Variants in TENM3 observed in about 807,000 individuals in gnomAD.
The protein encoded by TENM3 is teneurin-3.
A neutral mutation model predicts 255.1 loss-of-function variants in TENM3; 63 were observed. The observed-to-expected ratio is 0.25, with a 90% CI of 0.20 to 0.30. TENM3 has a LOEUF of 0.30. Ranked by LOEUF, TENM3 falls within the 10% of genes least tolerant of loss-of-function variation. The probability of loss-of-function intolerance (pLI) is 1.00; values close to 1 mark genes in which losing one functional copy is unlikely to be tolerated. For synonymous variants in TENM3, 1,306 were observed against 1,322.3 expected (o/e 0.99, Z 0.27); for missense variants, 2,929 against 3,461.1 (o/e 0.85, Z 3.86).
At chr4:182,604,861 A>G (rs149781538) in intron 4 of TENM3, among the ~76,000 whole-genome samples, 4,587 of 152,316 alleles carry the variant, frequency 0.03, 116 homozygotes, top group Non-Finnish European at 0.046. Flanking sequence ...ATGAAATTGC[A>G]TATTAAATTG....
intron 3 of TENM3, among the ~76,000 whole-genome samples, chr4:182,558,534 C>T (rs1187049134): frequency 1.3e-5 from 2 of 152,108 alleles, no homozygotes; most frequent in African/African-American, 2.4e-5. Context: ...TTAAAAGATA[C>T]TGTGTATCAG....
At chr4:182,241,159 G>A (rs939450660), upstream of TENM3, among the ~76,000 whole-genome samples, 6 of 152,126 alleles carry the variant, frequency 3.9e-5, no homozygotes, top group Non-Finnish European at 5.9e-5. Flanking sequence ...CATGTGAATC[G>A]TTATAGCTTC....
chr4:182,484,580 C>T (rs964135424), intron 3 of TENM3, among the ~76,000 whole-genome samples: 1 of 151,932 alleles, frequency 6.6e-6, no homozygotes, highest in Non-Finnish European at 1.5e-5. Flanking sequence ...TGTGTGCCTA[C>T]CTATGAGAAT....
At chr4:181,938,601 A>C in the TENM3 span, among the ~76,000 whole-genome samples, 6 of 152,316 alleles carry the variant, frequency 3.9e-5, no homozygotes, top group Admixed American at 3.9e-4. Context: ...TTTTATACAC[A>C]GCATACAGCC....
chr4:182,147,278 T>C, intron 1 of TENM3, among the ~76,000 whole-genome samples: 1 of 152,218 alleles, frequency 6.6e-6, no homozygotes, highest in East Asian at 1.9e-4. Context: ...GTACAAAAAA[T>C]GATGTCTTTG....
chr4:181,979,094 T>C, the TENM3 span, among the ~76,000 whole-genome samples: 2 of 83,252 alleles, frequency 2.4e-5, no homozygotes, highest in African/African-American at 4.6e-5. Flanking sequence ...ACATTAAGCC[T>C]GACATATATA....
chr4:182,681,898 A>T lies in TENM3; in HGVS notation c.1919A>T (p.Asn640Ile). 1 of 1,613,952 alleles carries T rather than the reference A, an allele frequency of 6.2e-7. No individual in the cohort carries two copies. The highest frequency in any genetic ancestry group is 8.5e-7 in the Non-Finnish European group (1 of 1,179,852). The change falls in exon 11 of 28, where the codon AAT becomes ATT. Residue 640 changes from asparagine to isoleucine, a missense_variant. Around this residue, in one of 6 missense-constraint regions of TENM3, gnomAD observed 1,608 missense variants for 1,884.4 expected, o/e 0.85. Coordinates refer to ENST00000511685, the MANE Select transcript of TENM3 (RefSeq NM_001080477.4). ...CHCSPGWGGSNCEILKTMCPD... is the reference protein window; with the variant it reads ...CHCSPGWGGSICEILKTMCPD... ...TGCAGTCCAGGATGGGGAGGTAGCA[A>T]TTGTGAAATACTGAAGACCATGTGT... is the stretch of plus-strand genomic sequence containing the variant.
the TENM3 span, among the ~76,000 whole-genome samples, chr4:182,128,378 A>G: frequency 2.0e-5 from 3 of 151,918 alleles, no homozygotes; most frequent in East Asian, 1.9e-4. Flanking sequence ...GGGTCTTGCT[A>G]TGTTGCCCAG....
Position 182,736,852 on chromosome 4 carries a change from C to A in TENM3, c.3012C>A (p.Leu1004=). The A allele has an allele frequency of 8.7e-6, 14 of 1,613,726 alleles. No homozygotes were observed. The highest frequency in any genetic ancestry group is 1.2e-5 in the Non-Finnish European group (14 of 1,179,774). ...ETTIPGTDLK[L]SYLSSRAAGY... ...CAATTCCAGGAACAGATTTGAAACT[C>A]TCCTACTTGAGTTCCAGAGCTGCAG... is the stretch of plus-strand genomic sequence containing the variant. The change falls in exon 17 of 28, where the codon CTC becomes CTA. Residue 1004 remains leucine, a synonymous_variant. Coordinates refer to ENST00000511685, the MANE Select transcript of TENM3 (RefSeq NM_001080477.4).
intron 3 of TENM3, among the ~76,000 whole-genome samples, chr4:182,412,973 A>G (rs907235326): frequency 6.6e-6 from 1 of 152,102 alleles, no homozygotes; most frequent in East Asian, 1.9e-4. Flanking sequence ...ATGAAAAACA[A>G]TAGATAAAAT....
rs548059343 is a variant in TENM3 at position 182,398,614 on chromosome 4, A to G, written c.511+51685A>G. On this transcript the variant is annotated intron_variant, in intron 3 of 27. Transcript: ENST00000511685. ...GCAGATAGGAGTTGAATAAAATCTCATCTACATACTTGATTGGCAGTGACT... is the reference window on the plus strand; with the variant it reads ...GCAGATAGGAGTTGAATAAAATCTCGTCTACATACTTGATTGGCAGTGACT... 4.6e-5 allele frequency among the ~76,000 whole-genome samples: 7 copies of G among 152,344 alleles called. No homozygotes were observed. The South Asian group carries it at 1.5e-3, about 32-fold the overall frequency.
intron 19 of TENM3, among the ~76,000 whole-genome samples, chr4:182,749,660 G>A (rs934447161): frequency 4.0e-4 from 61 of 152,166 alleles, no homozygotes; most frequent in African/African-American, 1.3e-3. Context: ...GATAAGTTAG[G>A]CAGCATGCCC....
chr4:182,550,057 C>T (rs926914509), intron 3 of TENM3, among the ~76,000 whole-genome samples: 3 of 152,202 alleles, frequency 2.0e-5, no homozygotes, highest in South Asian at 2.1e-4. Context: ...ATAAAAATTC[C>T]GCTCAAAACC....
chr4:182,789,309 G>A lies in TENM3; in HGVS notation c.5521G>A (p.Val1841Ile), dbSNP rs777573462. ...CCAGCGAGGCACCACTAGCGAGAAA[G>A]TAGATTATGACGGACAGGGGAGGAT... ...SIQRGTTSEK[V>I]DYDGQGRIVS... The change falls in exon 25 of 28, where the codon GTA becomes ATA. Residue 1841 changes from valine (V) to isoleucine (I), a missense_variant. This residue lies in a region of TENM3 where 303 missense variants were observed against 425.2 expected (regional missense o/e 0.71). Coordinates refer to ENST00000511685, the MANE Select transcript of TENM3 (RefSeq NM_001080477.4). This position sits in a 1 kb window ranked among gnomAD's most constrained non-coding sequence, Gnocchi z 4.4. 1.9e-6 allele frequency: 3 copies of A among 1,613,892 alleles called. No homozygotes were observed. The South Asian group carries it at 3.3e-5, about 18-fold the overall frequency.
At chr4:181,905,263 G>T in the TENM3 span, among the ~76,000 whole-genome samples, 1 of 152,102 alleles carries the variant, frequency 6.6e-6, no homozygotes, top group Non-Finnish European at 1.5e-5. Context: ...TTCACTTACT[G>T]GTGGTAAGCC....
the TENM3 span, among the ~76,000 whole-genome samples, chr4:181,508,506 G>T: frequency 2.6e-5 from 4 of 152,230 alleles, no homozygotes; most frequent in African/African-American, 9.6e-5. Flanking sequence ...TCTGGGGAAA[G>T]AAATGAATTA....
chr4:182,028,000 C>T, the TENM3 span, among the ~76,000 whole-genome samples: 2 of 152,194 alleles, frequency 1.3e-5, no homozygotes, highest in East Asian at 3.9e-4. Flanking sequence ...TGTTAGGAAG[C>T]ATTGTCTACT....
chr4:181,910,590 G>GTGTA, the TENM3 span, among the ~76,000 whole-genome samples: 364 of 142,828 alleles, frequency 2.5e-3, 1 homozygote, highest in African/African-American at 9.1e-3. Flanking sequence ...ATATGTATTT[G>GTGTA]TATATATATA....
At chr4:182,063,410 T>C in the TENM3 span, among the ~76,000 whole-genome samples, 1 of 152,222 alleles carries the variant, frequency 6.6e-6, no homozygotes, top group African/African-American at 2.4e-5. Context: ...TTAGTCTCAA[T>C]GTTGGTTCAC....
Sources: gnomAD v4.1 joint callset for allele counts (sites outside exome capture counted in the v4.1 genomes callset) on GRCh38, gnomAD v4.1.1 for gene constraint, gnomAD v4.1.1 regional missense constraint, Gnocchi (gnomAD v3.1) non-coding constraint, MANE v1.5 for transcripts, NCBI Gene and HGNC (gene_info 2026-07-23, HGNC 2026-07-21) for gene names.